MTFR1L: variants seen among roughly 807,000 people sequenced by gnomAD.
The protein encoded by MTFR1L is mitochondrial fission regulator 1 like.
MTFR1L carries 10 observed loss-of-function variants against 27.9 expected under a neutral mutation model. The ratio of observed to expected loss-of-function variants is 0.36; its 90% confidence interval spans 0.22 to 0.61. The LOEUF (loss-of-function observed/expected upper bound fraction) is 0.61. MTFR1L is among the 20% of genes least tolerant of loss of function. The pLI, the probability that MTFR1L is intolerant of heterozygous loss-of-function variation, is 0.73. For synonymous variants in MTFR1L, 151 were observed against 139.4 expected (o/e 1.08, Z -0.58); for missense variants, 315 against 363.7 (o/e 0.87, Z 1.09).
intron 3 of MTFR1L, chr1:25,825,850 T>C (rs1229149244): frequency 6.2e-6 from 1 of 162,506 alleles, no homozygotes; most frequent in African/African-American, 2.4e-5. Context: ...TTGCCTGTTT[T>C]TGTTTTTGAA....
intron 1 of MTFR1L, chr1:25,820,625 C>G (rs775453215): frequency 2.4e-6 from 1 of 411,680 alleles, no homozygotes; most frequent in African/African-American, 2.2e-5. Flanking sequence ...CAGCAGACAG[C>G]AACTGCAGCC....
chr1:25,821,015 G>A, intron 1 of MTFR1L: 1 of 283,864 alleles, frequency 3.5e-6, no homozygotes, highest in Non-Finnish European at 6.7e-6. Flanking sequence ...TGGGCCCAGT[G>A]TTGGGGGTTG....
rs1248757297 is a variant in MTFR1L, at chr1:25,829,567, C to G, written c.510C>G (p.Pro170=). Residue 170 remains proline, a synonymous_variant, in exon 6 of 7, where the codon CCC becomes CCG. Coordinates refer to ENST00000374303, the MANE Select transcript of MTFR1L (RefSeq NM_001099625.2). ...CAGGAAGTTCAAATGTCTCTTCTCC[C>G]TTACCTTGTTTTGGATCCTCATTCC... ...LSPGSSNVSS[P]LPCFGSSFHS... The G allele has an allele frequency of 1.2e-6, 2 of 1,614,096 alleles. No homozygotes were observed. The highest frequency in any genetic ancestry group is 1.7e-6 in the Non-Finnish European group (2 of 1,180,050).
At chr1:25,825,461 A>G (rs2124476523) in intron 3 of MTFR1L, among the ~76,000 whole-genome samples, 1 of 152,286 alleles carries the variant, frequency 6.6e-6, no homozygotes, top group African/African-American at 2.4e-5. Flanking sequence ...CTTTGTTGTA[A>G]TCACAGTCAA....
At chr1:25,825,552 T>C (rs1209408208) in intron 3 of MTFR1L, 1 of 152,214 alleles carries the variant, frequency 6.6e-6, no homozygotes, top group Non-Finnish European at 1.5e-5. Context: ...TATGGTTCCT[T>C]TTGTATAATC....
intron 2 of MTFR1L, 118 bp from the exon 3 acceptor site, chr1:25,823,526 G>A: frequency 6.7e-7 from 1 of 1,482,988 alleles, no homozygotes; most frequent in South Asian, 1.2e-5. Flanking sequence ...TGCCCCTAGA[G>A]AGTGCCCTGT....
At chr1:25,820,323 G>A (rs1395995543) in intron 1 of MTFR1L, 1 of 455,868 alleles carries the variant, frequency 2.2e-6, no homozygotes, top group Admixed American at 2.3e-5. Flanking sequence ...AGACCTGGCC[G>A]CGGCTCGGAG....
intron 6 of MTFR1L, among the ~76,000 whole-genome samples, chr1:25,831,076 A>G (rs950835199): frequency 6.6e-6 from 1 of 152,020 alleles, no homozygotes; most frequent in Non-Finnish European, 1.5e-5. Context: ...CCCTCCTCCC[A>G]CTTGTGTCCT....
Position 25,832,120 on chromosome 1 carries a change from ATCT to A in MTFR1L, c.*98_*100del, listed in dbSNP as rs1410536557. 6.2e-7 allele frequency: 1 copy of A among 1,600,576 alleles called. No individual in the cohort carries two copies. Among genetic ancestry groups the A allele is most frequent in the Non-Finnish European group, 8.5e-7 (1 of 1,174,820 alleles). On this transcript the variant is annotated 3_prime_UTR_variant, in exon 7 of 7. Transcript: ENST00000374303. ...AGATGTTTCTGCCTCTTAAGGATAG[ATCT>A]TCTGCAACAGTCTTGCTGACAAGCT...
In MTFR1L at chr1:25,829,492, A is replaced by G. The variant is rs1170814352; in HGVS notation, c.452-17A>G. 1.2e-5 allele frequency: 19 copies of G among 1,608,544 alleles called. No individual in the cohort carries two copies. Among genetic ancestry groups the G allele is most frequent in the East Asian group, 8.9e-5 (4 of 44,852 alleles). ...CTAGCCCCAATGTCCACCCATGCCT[A>G]TTGTTTTCTCTTTCAGCTTCGGCTT... On this transcript the variant is annotated splice_polypyrimidine_tract_variant and intron_variant, in intron 5 of 6. Coordinates refer to ENST00000374303, the MANE Select transcript of MTFR1L (RefSeq NM_001099625.2).
chr1:25,823,392 T>C (rs528687191), intron 2 of MTFR1L: 1 of 725,694 alleles, frequency 1.4e-6, no homozygotes, highest in Admixed American at 2.0e-5. Flanking sequence ...AGCTACTTCC[T>C]CTCCCCTTCC....
At chr1:25,831,861 A>G in intron 6 of MTFR1L, 60 bp from the exon 7 acceptor site, 2 of 1,353,098 alleles carry the variant, frequency 1.5e-6, no homozygotes, top group South Asian at 1.2e-5. Flanking sequence ...TAATGTATTC[A>G]AAAGATATAC....
In MTFR1L at chr1:25,826,538, C is replaced by A. The variant is rs78384548; in HGVS notation, c.240-77C>A. 7.6e-4 allele frequency: 1,203 copies of A among 1,587,586 alleles called. 14 individuals are homozygous for A. In the East Asian group the frequency reaches 0.023, roughly 31 times the overall value. On this transcript the variant is annotated intron_variant, in intron 4 of 6. Coordinates refer to ENST00000374303, the MANE Select transcript of MTFR1L (RefSeq NM_001099625.2). The surrounding 1 kb of genome is among the most constrained non-coding windows in gnomAD (Gnocchi z 4.1). ...GCAGAACCTTACTATACTACTCTCA[C>A]AGAAGTGGGGGAAGGAACCTTAGGA...
chr1:25,828,555 G>A (rs940634446), intron 5 of MTFR1L, among the ~76,000 whole-genome samples: 20 of 149,382 alleles, frequency 1.3e-4, no homozygotes, highest in South Asian at 2.1e-4. Flanking sequence ...GTGAGACTCC[G>A]TCTCAAAAAA....
intron 2 of MTFR1L, 184 bp from the exon 3 acceptor site, chr1:25,823,460 C>A: frequency 1.0e-6 from 1 of 969,830 alleles, no homozygotes; most frequent in Non-Finnish European, 1.6e-6. Context: ...GGGTGGCTGG[C>A]CAGGGTGTAG....
At chr1:25,823,882 TA>T in intron 3 of MTFR1L, 134 bp downstream of exon 3, 1 of 1,162,492 alleles carries the variant, frequency 8.6e-7, no homozygotes, top group South Asian at 1.6e-5. Context: ...GTTAAATGCT[TA>T]TAAGATATCC....
In MTFR1L at chr1:25,819,993, G is replaced by A. The variant is rs1313356270; in HGVS notation, c.-123G>A. ...TGGGCGGCCCAAGGTGGAAGGAGGG[G>A]CCGTGAGGTGAGAGAGTCCGGGAGC... is the stretch of plus-strand genomic sequence containing the variant. On this transcript the variant is annotated 5_prime_UTR_variant, in exon 1 of 7. Transcript: ENST00000374303. The A allele has an allele frequency of 3.8e-5, 13 of 340,954 alleles. No homozygotes were observed. Among genetic ancestry groups the A allele is most frequent in the Non-Finnish European group, 6.8e-5 (12 of 176,852 alleles). 21.1% of individuals were successfully genotyped at this position (340,954 alleles called of 1,614,324 possible).
chr1:25,831,523 C>A (rs927082943), intron 6 of MTFR1L, among the ~76,000 whole-genome samples: 1 of 152,236 alleles, frequency 6.6e-6, no homozygotes, highest in African/African-American at 2.4e-5. Flanking sequence ...TCAGTCACTT[C>A]CCCTGCTGAC....
intron 1 of MTFR1L, 59 bp from the exon 2 acceptor site, chr1:25,822,960 C>T: frequency 6.9e-7 from 1 of 1,449,862 alleles, no homozygotes; most frequent in Admixed American, 1.7e-5. Context: ...TGTGTGGTGA[C>T]CATTAAATCC....
Sources: allele counts gnomAD v4.1 joint callset (sites outside exome capture counted in the v4.1 genomes callset), GRCh38; gene constraint gnomAD v4.1.1; non-coding constraint Gnocchi (gnomAD v3.1); transcripts MANE v1.5; gene names NCBI Gene and HGNC (gene_info 2026-07-23, HGNC 2026-07-21).